The following GPD2 variants were observed in gnomAD, a reference collection of about 807,000 sequenced individuals.
GPD2 encodes the protein glycerol-3-phosphate dehydrogenase 2.
GPD2 carries 54 observed loss-of-function variants against 82.4 expected under a neutral mutation model. The observed-to-expected ratio is 0.66, with a 90% CI of 0.53 to 0.82. GPD2 has a LOEUF of 0.82. Among genes scored for constraint, GPD2 ranks in the 40% least tolerant of loss-of-function variants. The pLI is 0.00. For missense variants in GPD2, 748 were observed against 896.2 expected (o/e 0.83, Z 2.11); for synonymous variants, 288 against 306.1 (o/e 0.94, Z 0.62).
At chr2:156,434,931 C>G (rs901139118), upstream of GPD2, among the ~76,000 whole-genome samples, 39 of 152,274 alleles carry the variant, frequency 2.6e-4, no homozygotes, top group African/African-American at 8.7e-4. Context: ...TTTTAAAATA[C>G]AAGGACTTGC....
chr2:156,407,244 A>G, the GPD2 span, among the ~76,000 whole-genome samples: 1 of 152,150 alleles, frequency 6.6e-6, no homozygotes, highest in East Asian at 1.9e-4. Context: ...AGTGTCCTGT[A>G]TTTCCCTTCA....
intron 1 of GPD2, among the ~76,000 whole-genome samples, chr2:156,457,110 G>T (rs1408737758): frequency 6.6e-6 from 1 of 152,090 alleles, no homozygotes; most frequent in Non-Finnish European, 1.5e-5. Flanking sequence ...ATGGCATTTT[G>T]ATTTTTTATT....
intron 1 of GPD2, among the ~76,000 whole-genome samples, chr2:156,452,645 A>G (rs140508889): frequency 4.6e-5 from 7 of 152,356 alleles, no homozygotes; most frequent in Admixed American, 2.0e-4. Flanking sequence ...TTGGAAGAGG[A>G]TATTGGTCAA....
chr2:156,508,644 G>A (rs1040121671), intron 3 of GPD2, among the ~76,000 whole-genome samples: 1 of 152,008 alleles, frequency 6.6e-6, no homozygotes, highest in Non-Finnish European at 1.5e-5. Context: ...GTGATTCCAG[G>A]GTTTAAAGAG....
chr2:156,454,912 G>C (rs1050261142), intron 1 of GPD2, among the ~76,000 whole-genome samples: 1 of 152,128 alleles, frequency 6.6e-6, no homozygotes, highest in African/African-American at 2.4e-5. Flanking sequence ...TGAAGACGTA[G>C]TGGCCAGTTG....
intron 6 of GPD2, among the ~76,000 whole-genome samples, chr2:156,516,642 C>T (rs186327261): frequency 9.9e-4 from 151 of 152,268 alleles, no homozygotes; most frequent in African/African-American, 3.5e-3. Flanking sequence ...ACAAGGTCTC[C>T]CTGTATTGCC....
At chr2:156,433,958 T>G (rs1688354122), upstream of GPD2, among the ~76,000 whole-genome samples, 2 of 152,164 alleles carry the variant, frequency 1.3e-5, no homozygotes, top group South Asian at 4.1e-4. Flanking sequence ...ATTATTCCTT[T>G]TCTGGGTAAC....
chr2:156,561,311 G>T (rs1000328301), intron 9 of GPD2, among the ~76,000 whole-genome samples: 1 of 152,076 alleles, frequency 6.6e-6, no homozygotes, highest in African/African-American at 2.4e-5. Context: ...CTCCCAAAGT[G>T]CTGGGATTAC....
chr2:156,415,225 C>T, the GPD2 span, among the ~76,000 whole-genome samples: 1 of 140,906 alleles, frequency 7.1e-6, no homozygotes, highest in Non-Finnish European at 1.5e-5. Context: ...GTGGCGCGAA[C>T]TCTGCTCACT....
rs527846545 is a variant in GPD2, at chr2:156,525,029, A to G, written c.661+11533A>G. ...TACTTATAATTTCCCTGTATCAACT[A>G]TCTGCCTACCTTAAGGTATATTGTA... On this transcript the variant is annotated intron_variant, in intron 6 of 16. Transcript: ENST00000438166. Among the ~76,000 whole-genome samples the G allele has an allele frequency of 3.9e-5, 6 of 152,288 alleles. No individual in the cohort carries two copies. The East Asian group carries it at 1.2e-3, about 29-fold the overall frequency.
rs1682196486 is a variant in GPD2 at position 156,442,125 on chromosome 2, T to C, written c.-9+5612T>C. Among the ~76,000 whole-genome samples the C allele has an allele frequency of 3.3e-5, 5 of 152,214 alleles. 1 individual carries two copies. The South Asian group carries it at 1.0e-3, about 32-fold the overall frequency. On this transcript the variant is annotated intron_variant, in intron 1 of 16. Coordinates refer to ENST00000438166, the MANE Select transcript of GPD2 (RefSeq NM_000408.5). ...TCTCATATTTGATTGTGCACATATA[T>C]CCTTCTATAAAAGGGTTTAATATAG...
At chr2:156,580,742 A>G (rs1317711517) in intron 16 of GPD2, among the ~76,000 whole-genome samples, 1 of 152,234 alleles carries the variant, frequency 6.6e-6, no homozygotes, top group African/African-American at 2.4e-5. Flanking sequence ...TGAGCTGCAG[A>G]TAAGAGCATT....
intron 6 of GPD2, among the ~76,000 whole-genome samples, chr2:156,542,054 T>G (rs1171195508): frequency 2.0e-5 from 3 of 152,074 alleles, no homozygotes; most frequent in Non-Finnish European, 4.4e-5. Context: ...TAGATTCATT[T>G]AAAACTTTTT....
chr2:156,456,743 T>C (rs992724166), intron 1 of GPD2, among the ~76,000 whole-genome samples: 3 of 151,732 alleles, frequency 2.0e-5, no homozygotes, highest in African/African-American at 4.8e-5. Flanking sequence ...CAGGAGTGAG[T>C]CACTCTTTTG....
At chr2:156,554,426 G>A (rs985141950) in intron 8 of GPD2, among the ~76,000 whole-genome samples, 6 of 152,188 alleles carry the variant, frequency 3.9e-5, no homozygotes, top group Non-Finnish European at 8.8e-5. Context: ...GCTGGTAAAG[G>A]AAGAGTAAGG....
chr2:156,439,520 AAAAAAAAAAAAAAAAAAAAC>A (rs756258461), intron 1 of GPD2, among the ~76,000 whole-genome samples: 1,370 of 84,950 alleles, frequency 0.016, 27 homozygotes, highest in African/African-American at 0.041. Context: ...TCAGAAAAAA[AAAAAAAAAAAAAAAAAAAAC>A]AAAAAAAAAA....
chr2:156,488,400 C>T (rs956983961), intron 2 of GPD2, among the ~76,000 whole-genome samples: 1 of 152,096 alleles, frequency 6.6e-6, no homozygotes. Context: ...TCTTACGATT[C>T]CATCGATCGA....
intron 1 of GPD2, among the ~76,000 whole-genome samples, chr2:156,452,692 A>G (rs1682656977): frequency 2.0e-5 from 3 of 152,200 alleles, no homozygotes; most frequent in Admixed American, 2.0e-4. Flanking sequence ...AATACAGTGA[A>G]TTTCTATGCT....
chr2:156,463,962 C>G (rs1683071191), intron 1 of GPD2, among the ~76,000 whole-genome samples: 1 of 152,128 alleles, frequency 6.6e-6, no homozygotes, highest in African/African-American at 2.4e-5. Flanking sequence ...AGGGTTTGTG[C>G]TAGCCCTTTT....
Sources: gnomAD v4.1 joint callset for allele counts (sites outside exome capture counted in the v4.1 genomes callset) on GRCh38, gnomAD v4.1.1 for gene constraint, MANE v1.5 for transcripts, NCBI Gene and HGNC (gene_info 2026-07-23, HGNC 2026-07-21) for gene names.